Variants in GPC6 observed in about 807,000 individuals in gnomAD.
GPC6 encodes the protein glypican-6.
Under a neutral mutation model 55.2 loss-of-function variants are expected in GPC6, and 14 were observed. The observed-to-expected ratio is 0.25, with a 90% confidence interval of 0.17 to 0.40. The LOEUF (loss-of-function observed/expected upper bound fraction) is 0.40. Ranked by LOEUF, GPC6 falls within the 10% of genes least tolerant of loss-of-function variation. The pLI is 1.00. For synonymous variants in GPC6, 278 were observed against 259.6 expected (o/e 1.07, Z -0.68); for missense variants, 641 against 708.5 (o/e 0.90, Z 1.08).
At chr13:93,998,791 G>T (rs1439109567) in intron 3 of GPC6, among the ~76,000 whole-genome samples, 1 of 151,936 alleles carries the variant, frequency 6.6e-6, no homozygotes, top group Non-Finnish European at 1.5e-5. Flanking sequence ...TAATGGAATG[G>T]CTAAATCAAG....
chr13:93,920,281 A>G (rs1877501812), intron 3 of GPC6, among the ~76,000 whole-genome samples: 1 of 151,902 alleles, frequency 6.6e-6, no homozygotes, highest in African/African-American at 2.4e-5. Flanking sequence ...TTCAAATGAG[A>G]GCATCCCCCA....
intron 4 of GPC6, among the ~76,000 whole-genome samples, chr13:94,117,417 G>A (rs1303218285): frequency 6.6e-6 from 1 of 152,078 alleles, no homozygotes; most frequent in African/African-American, 2.4e-5. Flanking sequence ...TATTATTCCT[G>A]AAGAAGAAAT....
At chr13:93,927,036 C>T (rs1877895830) in intron 3 of GPC6, among the ~76,000 whole-genome samples, 1 of 152,146 alleles carries the variant, frequency 6.6e-6, no homozygotes, top group South Asian at 2.1e-4. Flanking sequence ...GATTTGAACA[C>T]CTTCACCTGG....
At chr13:93,436,612 T>G (rs2139282252) in intron 1 of GPC6, among the ~76,000 whole-genome samples, 1 of 152,102 alleles carries the variant, frequency 6.6e-6, no homozygotes, top group East Asian at 1.9e-4. Flanking sequence ...AAAACACAGG[T>G]TTTAATTCCA....
At chr13:93,496,002 G>A (rs1380310569) in intron 1 of GPC6, among the ~76,000 whole-genome samples, 4 of 151,368 alleles carry the variant, frequency 2.6e-5, no homozygotes, top group Admixed American at 1.3e-4. Flanking sequence ...GCCCCCAGAG[G>A]TGGATCCTAC....
chr13:93,988,552 T>C (rs1881138178), intron 3 of GPC6, among the ~76,000 whole-genome samples: 2 of 152,282 alleles, frequency 1.3e-5, no homozygotes, highest in South Asian at 4.1e-4. Context: ...TGCCAGCACA[T>C]TGTGTCTGGT....
chr13:93,521,867 A>G (rs968720430), intron 1 of GPC6, among the ~76,000 whole-genome samples: 7 of 151,988 alleles, frequency 4.6e-5, no homozygotes, highest in African/African-American at 9.7e-5. Context: ...CAATAAGTGC[A>G]GTTTATTTTA....
chr13:93,762,082 G>A (rs527997623), intron 2 of GPC6, among the ~76,000 whole-genome samples: 1 of 152,096 alleles, frequency 6.6e-6, no homozygotes, highest in Admixed American at 6.6e-5. Context: ...CTCAATCTCT[G>A]AAAGTTTGAT....
At chr13:93,414,455 T>C (rs1235198157) in intron 1 of GPC6, among the ~76,000 whole-genome samples, 1 of 152,166 alleles carries the variant, frequency 6.6e-6, no homozygotes, top group Non-Finnish European at 1.5e-5. Flanking sequence ...TTGCACAAAT[T>C]CAGCAATACG....
chr13:94,039,065 G>C (rs1312910729), intron 4 of GPC6, among the ~76,000 whole-genome samples: 1 of 151,908 alleles, frequency 6.6e-6, no homozygotes, highest in East Asian at 1.9e-4. Flanking sequence ...CACCAGGGGG[G>C]GAAAAACAGT....
At chr13:93,402,215 G>C (rs190150333) in intron 1 of GPC6, among the ~76,000 whole-genome samples, 2 of 152,244 alleles carry the variant, frequency 1.3e-5, no homozygotes, top group Non-Finnish European at 2.9e-5. Context: ...TGGGTCTTCT[G>C]ACTCCTGAAC....
chr13:93,230,658 T>C (rs559607085), intron 1 of GPC6, among the ~76,000 whole-genome samples: 1 of 152,298 alleles, frequency 6.6e-6, no homozygotes, highest in South Asian at 2.1e-4. Context: ...GGGAAGATAC[T>C]GAGCAGTGAA....
chr13:93,911,450 C>T (rs936478017), intron 3 of GPC6, among the ~76,000 whole-genome samples: 3 of 151,008 alleles, frequency 2.0e-5, no homozygotes, highest in African/African-American at 7.3e-5. Context: ...TTCCTTAAAT[C>T]TTTTTCCTTG....
chr13:93,717,253 T>C (rs551466639), intron 2 of GPC6, among the ~76,000 whole-genome samples: 3 of 151,826 alleles, frequency 2.0e-5, no homozygotes, highest in Admixed American at 1.3e-4. Flanking sequence ...ATTCTATAAA[T>C]AAAAGGTCCA....
intron 3 of GPC6, among the ~76,000 whole-genome samples, chr13:93,913,962 T>C (rs898104052): frequency 4.6e-5 from 7 of 152,230 alleles, no homozygotes; most frequent in Non-Finnish European, 8.8e-5. Context: ...GATTTTCTTC[T>C]GCATTCTATG....
At chr13:93,555,402 G>A (rs1338690521) in intron 2 of GPC6, among the ~76,000 whole-genome samples, 2 of 152,144 alleles carry the variant, frequency 1.3e-5, no homozygotes, top group Admixed American at 1.3e-4. Flanking sequence ...ATGCTGCAGT[G>A]TTGTGTGACA....
At chr13:94,193,291 G>C (rs185737342) in intron 4 of GPC6, among the ~76,000 whole-genome samples, 1 of 151,948 alleles carries the variant, frequency 6.6e-6, no homozygotes, top group Non-Finnish European at 1.5e-5. Context: ...CCATAGGAGC[G>C]GTCCAAAGTG....
intron 1 of GPC6, among the ~76,000 whole-genome samples, chr13:93,379,413 A>C (rs1449451806): frequency 6.6e-6 from 1 of 152,208 alleles, no homozygotes; most frequent in Non-Finnish European, 1.5e-5. Context: ...ACTTAAGCAG[A>C]TGGATGAAAA....
chr13:93,993,641 A>C (rs1320817263), intron 3 of GPC6, among the ~76,000 whole-genome samples: 2 of 152,204 alleles, frequency 1.3e-5, no homozygotes, highest in African/African-American at 4.8e-5. Context: ...CTCATGAAGT[A>C]TAAAAATAAA....
Sources: allele counts gnomAD v4.1 joint callset (sites outside exome capture counted in the v4.1 genomes callset), GRCh38; gene constraint gnomAD v4.1.1; transcripts MANE v1.5; gene names NCBI Gene and HGNC (gene_info 2026-07-23, HGNC 2026-07-21).